MYBL1: variants seen among roughly 807,000 people sequenced by gnomAD.
MYBL1 encodes the protein MYB proto-oncogene like 1, also known as myb-related protein A.
In MYBL1, 17 loss-of-function variants were observed where a neutral mutation model predicts 96.3. The observed-to-expected ratio is 0.18, with a 90% confidence interval of 0.12 to 0.26. The LOEUF is 0.26. MYBL1 is among the 10% of genes least tolerant of loss of function. The pLI, the probability that MYBL1 is intolerant of heterozygous loss-of-function variation, is 1.00. For missense variants in MYBL1, 701 were observed against 882.9 expected (o/e 0.79, Z 2.61); for synonymous variants, 282 against 292.7 (o/e 0.96, Z 0.37).
intron 3 of MYBL1, 98 bp from the exon 4 acceptor site, chr8:66,599,240 G>A: frequency 1.5e-6 from 1 of 651,018 alleles, no homozygotes; most frequent in Non-Finnish European, 2.5e-6. Context: ...AAGACTTCAA[G>A]AATAGTGTAT....
At chr8:66,578,952 T>C (rs1222781733) in intron 9 of MYBL1, among the ~76,000 whole-genome samples, 1 of 152,018 alleles carries the variant, frequency 6.6e-6, no homozygotes, top group East Asian at 1.9e-4. Context: ...AAATTGGAAA[T>C]CATCATTCTC....
intron 2 of MYBL1, 75 bp from the exon 3 acceptor site, chr8:66,601,844 C>A: frequency 3.0e-6 from 2 of 669,480 alleles, no homozygotes; most frequent in Non-Finnish European, 5.0e-6. Context: ...GATAACTCTC[C>A]AATTCTATTA....
rs114373422 is a variant in MYBL1 at position 66,571,489 on chromosome 8, T to A, written c.1728+993A>T. On this transcript the variant is annotated intron_variant, in intron 12 of 15. Coordinates refer to ENST00000522677, the MANE Select transcript of MYBL1 (RefSeq NM_001080416.4). ...GTACCCTGATTAGTTTCCTAAATAT[T>A]ATCATGAAAGTGCTTCAGTATATCA... Among the ~76,000 whole-genome samples, 1,192 of 152,294 alleles carry A rather than the reference T, an allele frequency of 7.8e-3. 13 individuals are homozygous for A. The highest frequency in any genetic ancestry group is 0.027 in the African/African-American group (1,127 of 41,562).
chr8:66,565,796 T>C (rs1808480309), intron 15 of MYBL1, among the ~76,000 whole-genome samples: 1 of 152,080 alleles, frequency 6.6e-6, no homozygotes, highest in Non-Finnish European at 1.5e-5. Flanking sequence ...AGAAGTAGAT[T>C]TATATATCTT....
intron 1 of MYBL1, among the ~76,000 whole-genome samples, chr8:66,604,440 T>C (rs1406970157): frequency 1.3e-5 from 2 of 151,772 alleles, no homozygotes; most frequent in East Asian, 3.8e-4. Flanking sequence ...GGAGAATCGC[T>C]TGTACCCAGT....
At chr8:66,585,390 C>T (rs1809376745) in intron 8 of MYBL1, among the ~76,000 whole-genome samples, 2 of 152,106 alleles carry the variant, frequency 1.3e-5, no homozygotes, top group Non-Finnish European at 2.9e-5. Flanking sequence ...AGAAGAAAAT[C>T]AATTCAAAAT....
intron 10 of MYBL1, 42 bp downstream of exon 10, chr8:66,575,965 C>T (rs1808922250): frequency 1.3e-6 from 2 of 1,563,098 alleles, no homozygotes; most frequent in East Asian, 4.5e-5. Context: ...TTTAATGTAA[C>T]TCATTGACAT....
intron 8 of MYBL1, among the ~76,000 whole-genome samples, chr8:66,587,370 A>C (rs1809461924): frequency 6.8e-6 from 1 of 146,306 alleles, no homozygotes; most frequent in Non-Finnish European, 1.5e-5. Flanking sequence ...TAATAAAAGC[A>C]AAAAAAAAAC....
At chr8:66,602,886 C>T (rs944716770) in intron 1 of MYBL1, among the ~76,000 whole-genome samples, 5 of 150,816 alleles carry the variant, frequency 3.3e-5, no homozygotes, top group Admixed American at 1.3e-4. Flanking sequence ...GCTGGGACTA[C>T]GGGCGCCCAC....
chr8:66,566,039 A>T, intron 15 of MYBL1, 25 bp downstream of exon 15: 1 of 1,436,342 alleles, frequency 7.0e-7, no homozygotes, highest in African/African-American at 1.5e-5. Flanking sequence ...AACAAAAATC[A>T]CTAAAGAAAT....
Position 66,608,964 on chromosome 8 carries a change from T to C in MYBL1, c.20+3855A>G, listed in dbSNP as rs142172408. 2.0e-4 allele frequency among the ~76,000 whole-genome samples: 31 copies of C among 152,234 alleles called. No individual in the cohort carries two copies. The East Asian group carries it at 4.8e-3, about 24-fold the overall frequency. ...TAAGTCAAAGAAAATATTTATGTGATAAATGTCTAATACATAACCAAACTA... is the reference window on the plus strand; with the variant it reads ...TAAGTCAAAGAAAATATTTATGTGACAAATGTCTAATACATAACCAAACTA... On this transcript the variant is annotated intron_variant, in intron 1 of 15. Transcript: ENST00000522677.
chr8:66,580,912 G>A (rs1035243194), intron 8 of MYBL1, among the ~76,000 whole-genome samples: 9 of 151,316 alleles, frequency 5.9e-5, no homozygotes, highest in Admixed American at 5.9e-4. Context: ...CCAGGCTGGG[G>A]TACAGCGGTG....
intron 15 of MYBL1, 119 bp downstream of exon 15, chr8:66,565,944 AG>A: frequency 1.4e-6 from 1 of 699,530 alleles, no homozygotes; most frequent in Non-Finnish European, 2.3e-6. Flanking sequence ...GTAAATGTTT[AG>A]TTACTGTTAC....
intron 12 of MYBL1, among the ~76,000 whole-genome samples, chr8:66,570,387 G>C (rs929413161): frequency 2.0e-5 from 3 of 148,214 alleles, no homozygotes; most frequent in Non-Finnish European, 4.4e-5. Flanking sequence ...ACCACTCACT[G>C]TAGCCTCCAC....
chr8:66,595,386 G>A (rs1481843853), intron 6 of MYBL1, among the ~76,000 whole-genome samples, 197 bp downstream of exon 6: 1 of 152,052 alleles, frequency 6.6e-6, no homozygotes, highest in Non-Finnish European at 1.5e-5. Context: ...GTTTCTTGAT[G>A]TAAAAATTAC....
intron 8 of MYBL1, among the ~76,000 whole-genome samples, chr8:66,582,871 G>C (rs1353642724): frequency 6.6e-6 from 1 of 152,026 alleles, no homozygotes; most frequent in African/African-American, 2.4e-5. Context: ...GATCTAAAAG[G>C]AGTAATAGAT....
At chr8:66,564,940 A>G in intron 15 of MYBL1, 115 bp from the exon 16 acceptor site, 1 of 611,132 alleles carries the variant, frequency 1.6e-6, no homozygotes, top group African/African-American at 1.9e-5. Context: ...AACAATAATT[A>G]TAAAAATGTT....
chr8:66,612,425 G>A (rs572018141), intron 1 of MYBL1: 2 of 227,564 alleles, frequency 8.8e-6, no homozygotes, highest in South Asian at 3.6e-4. Flanking sequence ...ATTCAGAAAA[G>A]AGTCGCCCGA....
intron 3 of MYBL1, 65 bp from the exon 4 acceptor site, chr8:66,599,207 T>C: frequency 9.4e-7 from 1 of 1,059,616 alleles, no homozygotes; most frequent in South Asian, 1.6e-5. Context: ...CAGCCCGAAT[T>C]TATGTCTCAC....
Sources: gnomAD v4.1 joint callset for allele counts (sites outside exome capture counted in the v4.1 genomes callset) on GRCh38, gnomAD v4.1.1 for gene constraint, MANE v1.5 for transcripts, NCBI Gene and HGNC (gene_info 2026-07-23, HGNC 2026-07-21) for gene names.